The following ATRX variants were observed in gnomAD, a reference collection of about 807,000 sequenced individuals.
The protein encoded by ATRX is chromatin remodeler ATRX.
In ATRX, 12 loss-of-function variants were observed where a neutral mutation model predicts 172.6. That is an observed-to-expected ratio of 0.07 (90% CI 0.04 to 0.11). The LOEUF is 0.11. Ranked by LOEUF, ATRX falls within the 10% of genes least tolerant of loss-of-function variation. ATRX has a pLI of 1.00. For missense variants in ATRX, 1,368 were observed against 1,767.4 expected (o/e 0.77, Z 4.05); for synonymous variants, 674 against 594.7 (o/e 1.13, Z -1.94).
intron 1 of ATRX, among the ~76,000 whole-genome samples, chrX:77,763,675 T>C (rs1325344450): frequency 9.3e-6 from 1 of 107,113 alleles, no homozygotes; most frequent in East Asian, 3.1e-4. Flanking sequence ...TTCACCATGT[T>C]GGCCAGGCTG....
At chrX:77,725,586 C>T (rs1393736840) in intron 1 of ATRX, among the ~76,000 whole-genome samples, 2 of 111,529 alleles carry the variant, frequency 1.8e-5, no homozygotes, top group Non-Finnish European at 3.8e-5. Flanking sequence ...TCTAAAACAC[C>T]AAAAGCAATG....
intron 28 of ATRX, chrX:77,561,759 G>A (rs1557062102): frequency 9.0e-6 from 1 of 111,160 alleles, no homozygotes; most frequent in African/African-American, 3.3e-5. Context: ...AATTACAGCA[G>A]TCGAGCTCCC....
intron 27 of ATRX, among the ~76,000 whole-genome samples, chrX:77,580,313 G>T (rs1198151910): frequency 9.0e-6 from 1 of 111,431 alleles, no homozygotes; most frequent in Non-Finnish European, 1.9e-5. Flanking sequence ...TCAAGTAGAA[G>T]GTTATAGAAT....
At chrX:77,544,828 T>G (rs1313671860) in intron 30 of ATRX, among the ~76,000 whole-genome samples, 4 of 111,002 alleles carry the variant, frequency 3.6e-5, no homozygotes, top group Non-Finnish European at 7.5e-5. Flanking sequence ...TGTTGGACAT[T>G]TGGGTTGGTT....
chrX:77,749,324 T>C lies in ATRX; in HGVS notation c.21-32081A>G, dbSNP rs140495956. Among the ~76,000 whole-genome samples, 465 of 111,459 alleles carry C rather than the reference T, an allele frequency of 4.2e-3. 4 individuals are homozygous for C. The highest frequency in any genetic ancestry group is 6.9e-3 in the Non-Finnish European group (368 of 53,100). ...GAATAGTATTATTCCACAGTGTGTATGTATACACACAAACACACACACACA... is the reference window on the plus strand; with the variant it reads ...GAATAGTATTATTCCACAGTGTGTACGTATACACACAAACACACACACACA... On this transcript the variant is annotated intron_variant, in intron 1 of 34. Coordinates refer to ENST00000373344, the MANE Select transcript of ATRX (RefSeq NM_000489.6).
intron 1 of ATRX, among the ~76,000 whole-genome samples, chrX:77,777,191 TAAAAAAAAAAAAAAAAAAA>T (rs782165810): frequency 0.011 from 223 of 21,036 alleles, 2 homozygotes; most frequent in African/African-American, 0.037. Flanking sequence ...CTGTCTCTAC[TAAAAAAAAAAAAAAAAAAA>T]AAAAAAAAAA....
At chrX:77,640,601 T>A (rs965873890) in intron 15 of ATRX, among the ~76,000 whole-genome samples, 7 of 110,424 alleles carry the variant, frequency 6.3e-5, no homozygotes, top group South Asian at 3.9e-4. Context: ...ATGAAAAAAA[T>A]TTTTTTCAGT....
chrX:77,692,706 C>T (rs2071958351), intron 6 of ATRX, among the ~76,000 whole-genome samples: 3 of 111,385 alleles, frequency 2.7e-5, no homozygotes, highest in Non-Finnish European at 5.7e-5. Context: ...GTTATGAATT[C>T]TGGCTTTATT....
intron 30 of ATRX, among the ~76,000 whole-genome samples, chrX:77,549,256 A>G (rs1299378055): frequency 9.0e-6 from 1 of 111,300 alleles, no homozygotes; most frequent in Non-Finnish European, 1.9e-5. Flanking sequence ...GTGGTGGCGC[A>G]TGCCTGTAAT....
intron 30 of ATRX, among the ~76,000 whole-genome samples, chrX:77,552,189 A>G (rs1250974137): frequency 2.7e-5 from 3 of 110,649 alleles, no homozygotes; most frequent in African/African-American, 9.9e-5. Context: ...ACTATTCACA[A>G]TAGCAAAGAC....
intron 2 of ATRX, among the ~76,000 whole-genome samples, chrX:77,705,971 T>C (rs2072797073): frequency 9.1e-6 from 1 of 109,970 alleles, no homozygotes; most frequent in Non-Finnish European, 1.9e-5. Flanking sequence ...CATATATCTA[T>C]GACCAGCTGA....
intron 12 of ATRX, among the ~76,000 whole-genome samples, chrX:77,659,125 C>T (rs908333260): frequency 9.0e-6 from 1 of 110,691 alleles, no homozygotes; most frequent in Non-Finnish European, 1.9e-5. Context: ...GTTTTAGGGA[C>T]AGACAGAAGT....
rs558865801 is a variant in ATRX at position 77,511,469 on chromosome X, G to T, written c.7201-2840C>A. On this transcript the variant is annotated intron_variant, in intron 34 of 34. Coordinates refer to ENST00000373344, the MANE Select transcript of ATRX (RefSeq NM_000489.6). ...GACATCACCAAACGAACTAAATAAGGCCTCAGGGACCAATCCTAGAGAGAC... is the reference window on the plus strand; with the variant it reads ...GACATCACCAAACGAACTAAATAAGTCCTCAGGGACCAATCCTAGAGAGAC... Among the ~76,000 whole-genome samples, 6 of 111,547 alleles carry T rather than the reference G, an allele frequency of 5.4e-5. No individual in the cohort carries two copies. The Middle Eastern group carries it at 0.014, about 262-fold the overall frequency.
At chrX:77,717,933 A>C (rs1299944964) in intron 1 of ATRX, among the ~76,000 whole-genome samples, 1 of 111,714 alleles carries the variant, frequency 9.0e-6, no homozygotes, top group Non-Finnish European at 1.9e-5. Context: ...TTCATATTTA[A>C]ATTATATCCA....
At chrX:77,677,424 G>C (rs1557134257) in intron 9 of ATRX, among the ~76,000 whole-genome samples, 1 of 111,848 alleles carries the variant, frequency 8.9e-6, no homozygotes, top group African/African-American at 3.3e-5. Context: ...AAGGACAGCA[G>C]TATCACAAGG....
Position 77,506,300 on chromosome X carries a change from G to A in ATRX, c.*2051C>T, listed in dbSNP as rs1480560223. On this transcript the variant is annotated 3_prime_UTR_variant, in exon 35 of 35. Coordinates refer to ENST00000373344, the MANE Select transcript of ATRX (RefSeq NM_000489.6). ...ATTATATAGCTAAAATGTCAAGTGA[G>A]AAGAGTGTATACAAAGTGGTCCAAG... is the stretch of plus-strand genomic sequence containing the variant. The A allele has an allele frequency of 1.2e-5, 2 of 171,710 alleles. No homozygotes were observed. The highest frequency in any genetic ancestry group is 2.2e-5 in the Non-Finnish European group (2 of 89,803). 14.2% of individuals were successfully genotyped at this position (171,710 alleles called of 1,213,427 possible).
chrX:77,752,390 G>A (rs997728133), intron 1 of ATRX, among the ~76,000 whole-genome samples: 2 of 111,869 alleles, frequency 1.8e-5, no homozygotes, highest in Non-Finnish European at 3.8e-5. Flanking sequence ...AGATGATGGG[G>A]TTTTCTAAAT....
chrX:77,690,954 T>G (rs1435181630), intron 6 of ATRX: 5 of 111,977 alleles, frequency 4.5e-5, no homozygotes, highest in African/African-American at 1.6e-4. Context: ...AATGAAAAAT[T>G]GGGAATAACT....
chrX:77,744,690 CT>C (rs2074996017), intron 1 of ATRX, among the ~76,000 whole-genome samples: 1 of 110,658 alleles, frequency 9.0e-6, no homozygotes, highest in Non-Finnish European at 1.9e-5. Flanking sequence ...AGGAGAAACC[CT>C]TAAAAAAAAA....
Sources: gnomAD v4.1 joint callset for allele counts (sites outside exome capture counted in the v4.1 genomes callset) on GRCh38, gnomAD v4.1.1 for gene constraint, MANE v1.5 for transcripts, NCBI Gene and HGNC (gene_info 2026-07-23, HGNC 2026-07-21) for gene names.